VPS13A: variants seen among roughly 807,000 people sequenced by gnomAD.
VPS13A encodes vacuolar protein sorting 13 homolog A.
In VPS13A, 264 loss-of-function variants were observed where a neutral mutation model predicts 390.9. The observed-to-expected ratio is 0.68, with a 90% CI of 0.61 to 0.75. The LOEUF is 0.75. Among genes scored for constraint, VPS13A ranks in the 30% least tolerant of loss-of-function variants. VPS13A has a pLI of 0.00. For synonymous variants in VPS13A, 1,231 were observed against 1,227.1 expected (o/e 1.00, Z -0.07); for missense variants, 3,409 against 3,733.9 (o/e 0.91, Z 2.27).
chr9:77,366,591 T>A, intron 60 of VPS13A, 136 bp from the exon 61 acceptor site: 2 of 726,928 alleles, frequency 2.8e-6, no homozygotes, highest in Non-Finnish European at 4.4e-6. Context: ...TTCTACTTAG[T>A]GATTTTAACA....
intron 53 of VPS13A, 114 bp from the exon 54 acceptor site, chr9:77,353,295 G>A (rs1047325519): frequency 1.3e-6 from 1 of 749,146 alleles, no homozygotes. Flanking sequence ...CTAACCCCAT[G>A]AAGTAGGTGC....
At chr9:77,253,300 GTTAT>G (rs1416245249) in intron 22 of VPS13A, among the ~76,000 whole-genome samples, 3 of 151,968 alleles carry the variant, frequency 2.0e-5, no homozygotes, top group African/African-American at 4.8e-5. Context: ...TTTTAATCTG[GTTAT>G]TTATTTTTTT....
intron 31 of VPS13A, among the ~76,000 whole-genome samples, chr9:77,283,900 G>A (rs147551805): frequency 8.0e-4 from 121 of 151,314 alleles, no homozygotes; most frequent in African/African-American, 2.7e-3. Flanking sequence ...TCATAAATGA[G>A]ATAAGTACGA....
chr9:77,381,497 C>G (rs1833433193), intron 67 of VPS13A, among the ~76,000 whole-genome samples: 2 of 151,876 alleles, frequency 1.3e-5, no homozygotes, highest in South Asian at 4.2e-4. Context: ...AATTCATTGC[C>G]TATTTAAGAT....
intron 45 of VPS13A, among the ~76,000 whole-genome samples, chr9:77,329,790 A>G (rs1371436080): frequency 2.0e-5 from 3 of 152,240 alleles, no homozygotes; most frequent in East Asian, 1.9e-4. Flanking sequence ...GTATGTGTAT[A>G]TATGAATTTA....
At chr9:77,265,675 G>T (rs1825997882) in intron 23 of VPS13A, among the ~76,000 whole-genome samples, 1 of 152,062 alleles carries the variant, frequency 6.6e-6, no homozygotes, top group African/African-American at 2.4e-5. Context: ...GTGTCTGTTT[G>T]ATTCTTCTCT....
chr9:77,301,533 C>T (rs1482350948), intron 33 of VPS13A, among the ~76,000 whole-genome samples: 1 of 152,104 alleles, frequency 6.6e-6, no homozygotes, highest in Non-Finnish European at 1.5e-5. Context: ...ATATTTCTCT[C>T]CTATTGATTA....
At chr9:77,344,965 G>A (rs776812320) in intron 51 of VPS13A, 44 bp from the exon 52 acceptor site, 1 of 1,589,194 alleles carries the variant, frequency 6.3e-7, no homozygotes, top group South Asian at 1.1e-5. Context: ...TAATATTCTT[G>A]GGAAAATGAT....
intron 59 of VPS13A, among the ~76,000 whole-genome samples, 171 bp downstream of exon 59, chr9:77,360,812 A>G (rs1832102917): frequency 6.6e-6 from 1 of 152,104 alleles, no homozygotes; most frequent in African/African-American, 2.4e-5. Flanking sequence ...TGATGATAGA[A>G]AATTAGCAAA....
intron 1 of VPS13A, 136 bp downstream of exon 1, chr9:77,177,940 G>A (rs1823743116): frequency 1.4e-6 from 1 of 714,322 alleles, no homozygotes; most frequent in Non-Finnish European, 2.4e-6. Flanking sequence ...CCCGCCTGTG[G>A]GTCAAGTTAC....
chr9:77,410,298 C>G (rs1179515103), intron 71 of VPS13A, among the ~76,000 whole-genome samples: 4 of 152,130 alleles, frequency 2.6e-5, no homozygotes. Context: ...GAAGGAAGCA[C>G]TAGACATGGA....
At chr9:77,319,188 C>A in intron 41 of VPS13A, among the ~76,000 whole-genome samples, 1 of 118,662 alleles carries the variant, frequency 8.4e-6, no homozygotes, top group Non-Finnish European at 1.7e-5. Flanking sequence ...AAAGTGAGAC[C>A]CAGACTCAAA....
chr9:77,298,614 A>G (rs1052723346), intron 33 of VPS13A, among the ~76,000 whole-genome samples: 1 of 152,116 alleles, frequency 6.6e-6, no homozygotes, highest in Non-Finnish European at 1.5e-5. Context: ...TTTGCCAAGC[A>G]AGTGTGACCG....
In VPS13A at chr9:77,299,429, T is replaced by C. The variant is rs185707128; in HGVS notation, c.3813-3486T>C. ...CATTAAAAAGTCAGGAAACAACAGA[T>C]GCTGGAGAGGATGTGGAGAAATAGG... On this transcript the variant is annotated intron_variant, in intron 33 of 71. Coordinates refer to ENST00000360280, the MANE Select transcript of VPS13A (RefSeq NM_033305.3). 2.8e-3 allele frequency among the ~76,000 whole-genome samples: 426 copies of C among 152,284 alleles called. 1 individual carries two copies. The highest frequency in any genetic ancestry group is 4.6e-3 in the Non-Finnish European group (312 of 68,016).
chr9:77,186,697 A>G (rs1388428934), intron 1 of VPS13A, among the ~76,000 whole-genome samples: 1 of 152,102 alleles, frequency 6.6e-6, no homozygotes, highest in African/African-American at 2.4e-5. Context: ...CGGCCTCCCA[A>G]AGTGCTGGGA....
At chr9:77,203,563 C>T (rs1448580669) in intron 3 of VPS13A, among the ~76,000 whole-genome samples, 1 of 152,176 alleles carries the variant, frequency 6.6e-6, no homozygotes, top group Non-Finnish European at 1.5e-5. Flanking sequence ...GCTGGGGTTA[C>T]AGATGTGAGC....
intron 31 of VPS13A, among the ~76,000 whole-genome samples, chr9:77,285,790 C>A (rs1252619956): frequency 6.8e-6 from 1 of 147,014 alleles, no homozygotes; most frequent in Non-Finnish European, 1.5e-5. Context: ...ATATGGCATT[C>A]AGTATCCAAA....
intron 26 of VPS13A, among the ~76,000 whole-genome samples, chr9:77,276,646 A>AGGAG (rs1421874578): frequency 1.3e-5 from 2 of 152,244 alleles, no homozygotes; most frequent in Non-Finnish European, 2.9e-5. Flanking sequence ...GAGGCTCTAG[A>AGGAG]GGAGGGTCCA....
intron 42 of VPS13A, among the ~76,000 whole-genome samples, chr9:77,320,636 G>A (rs954078817): frequency 1.3e-5 from 2 of 152,004 alleles, no homozygotes; most frequent in Admixed American, 6.6e-5. Context: ...TATTTTAGAT[G>A]AAGGATATGA....
Sources: gnomAD v4.1 joint callset for allele counts (sites outside exome capture counted in the v4.1 genomes callset) on GRCh38, gnomAD v4.1.1 for gene constraint, MANE v1.5 for transcripts, NCBI Gene and HGNC (gene_info 2026-07-23, HGNC 2026-07-21) for gene names.